GABRA3: variants seen among roughly 807,000 people sequenced by gnomAD.
GABRA3 encodes gamma-aminobutyric acid receptor subunit alpha-3.
Under a neutral mutation model 30.1 loss-of-function variants are expected in GABRA3, and 10 were observed. The observed-to-expected ratio is 0.33, with a 90% CI of 0.20 to 0.56. The LOEUF is 0.56. Ranked by LOEUF, GABRA3 falls within the 20% of genes least tolerant of loss-of-function variation. The probability of loss-of-function intolerance (pLI) is 0.89; values close to 1 mark genes in which losing one functional copy is unlikely to be tolerated. For missense variants in GABRA3, 233 were observed against 392.0 expected (o/e 0.59, Z 3.42); for synonymous variants, 151 against 146.8 (o/e 1.03, Z -0.21).
At chrX:152,182,674 C>G (rs866166016) in intron 9 of GABRA3, among the ~76,000 whole-genome samples, 3 of 18,021 alleles carry the variant, frequency 1.7e-4, no homozygotes, top group African/African-American at 6.2e-4. Context: ...TATATATACA[C>G]TATATATACA....
chrX:152,228,592 C>T (rs1020378789), intron 5 of GABRA3, among the ~76,000 whole-genome samples: 4 of 111,606 alleles, frequency 3.6e-5, no homozygotes, highest in Admixed American at 2.9e-4. Flanking sequence ...TTATTAAACT[C>T]TCATGGAATC....
intron 4 of GABRA3, among the ~76,000 whole-genome samples, chrX:152,264,167 A>G (rs1569374094): frequency 9.0e-6 from 1 of 111,547 alleles, no homozygotes; most frequent in Non-Finnish European, 1.9e-5. Context: ...GTTACTAAGT[A>G]CACAGAAAAA....
At chrX:152,387,866 A>G (rs1214190905) in intron 1 of GABRA3, among the ~76,000 whole-genome samples, 1 of 111,421 alleles carries the variant, frequency 9.0e-6, no homozygotes, top group Non-Finnish European at 1.9e-5. Flanking sequence ...CTTCCTTGTA[A>G]ACAATCTTGC....
chrX:152,348,454 T>C (rs1357076076), intron 2 of GABRA3, among the ~76,000 whole-genome samples: 6 of 111,753 alleles, frequency 5.4e-5, no homozygotes, highest in African/African-American at 1.3e-4. Flanking sequence ...TAATTCATCA[T>C]TGAAAAATGA....
intron 3 of GABRA3, among the ~76,000 whole-genome samples, chrX:152,315,579 G>T (rs1333290684): frequency 2.7e-5 from 3 of 111,430 alleles, no homozygotes; most frequent in African/African-American, 9.8e-5. Context: ...TGCTTTCTCA[G>T]CTGGGAAGCT....
chrX:152,266,726 T>A (rs920908868), intron 4 of GABRA3, among the ~76,000 whole-genome samples: 2 of 110,833 alleles, frequency 1.8e-5, no homozygotes, highest in Non-Finnish European at 3.8e-5. Context: ...CCTCTTACCA[T>A]GAGTTATTTT....
chrX:152,343,223 C>T (rs1027949807), intron 3 of GABRA3, among the ~76,000 whole-genome samples: 3 of 111,491 alleles, frequency 2.7e-5, no homozygotes, highest in African/African-American at 9.8e-5. Context: ...CCTCCCTGCA[C>T]TGTAGCCTAA....
chrX:152,215,037 G>GATAT (rs145636654), intron 6 of GABRA3, among the ~76,000 whole-genome samples: 5 of 98,059 alleles, frequency 5.1e-5, no homozygotes, highest in East Asian at 6.1e-4. Context: ...TGTGTGTATG[G>GATAT]ATATATATAT....
chrX:152,349,414 C>T (rs980138649), intron 2 of GABRA3, among the ~76,000 whole-genome samples: 3 of 107,754 alleles, frequency 2.8e-5, no homozygotes, highest in Admixed American at 9.9e-5. Context: ...GCAAAATAAC[C>T]AGCTAACATC....
intron 6 of GABRA3, among the ~76,000 whole-genome samples, chrX:152,218,954 T>C (rs1488775570): frequency 9.0e-6 from 1 of 111,234 alleles, no homozygotes. Flanking sequence ...CACTAGAGGT[T>C]TTCTAAGATT....
chrX:152,235,315 C>T (rs1426613069), intron 5 of GABRA3, among the ~76,000 whole-genome samples: 1 of 111,389 alleles, frequency 9.0e-6, no homozygotes, highest in Admixed American at 9.6e-5. Flanking sequence ...GATTTTGTAT[C>T]CTGAAACGAC....
chrX:152,226,484 T>C (rs367661305), intron 5 of GABRA3, among the ~76,000 whole-genome samples: 1 of 111,716 alleles, frequency 9.0e-6, no homozygotes, highest in South Asian at 3.8e-4. Context: ...AAGGACTTCA[T>C]GTCTAAAACA....
chrX:152,323,230 C>T (rs1189537549), intron 3 of GABRA3, among the ~76,000 whole-genome samples: 1 of 111,596 alleles, frequency 9.0e-6, no homozygotes, highest in African/African-American at 3.3e-5. Flanking sequence ...AGTGGGATAT[C>T]ATTCAGTGTT....
chrX:152,209,926 C>G (rs954601913), intron 6 of GABRA3, among the ~76,000 whole-genome samples: 2 of 112,323 alleles, frequency 1.8e-5, no homozygotes, highest in African/African-American at 6.5e-5. Flanking sequence ...TATATAGTCT[C>G]AGTCATTTCT....
chrX:152,367,611 T>C (rs998458368), intron 1 of GABRA3, among the ~76,000 whole-genome samples: 21 of 111,618 alleles, frequency 1.9e-4, no homozygotes, highest in African/African-American at 6.8e-4. Flanking sequence ...AGATAACACA[T>C]ATCTTAAACT....
chrX:152,271,644 T>C (rs183601060), intron 4 of GABRA3, among the ~76,000 whole-genome samples: 2 of 112,458 alleles, frequency 1.8e-5, no homozygotes, highest in East Asian at 5.6e-4. Context: ...TGAATGCTAA[T>C]TGCCAAGACA....
At chrX:152,261,170 C>T (rs1470190678) in intron 4 of GABRA3, among the ~76,000 whole-genome samples, 2 of 110,833 alleles carry the variant, frequency 1.8e-5, no homozygotes, top group African/African-American at 6.6e-5. Flanking sequence ...AATTTAATCA[C>T]CCCCACCAGG....
chrX:152,445,776 T>G (rs1479058637), intron 1 of GABRA3, among the ~76,000 whole-genome samples: 1 of 111,621 alleles, frequency 9.0e-6, no homozygotes, highest in African/African-American at 3.3e-5. Context: ...CCCCCCACCG[T>G]ATTTTACAGT....
At chrX:152,315,298 T>A (rs1049920775) in intron 3 of GABRA3, among the ~76,000 whole-genome samples, 1 of 110,917 alleles carries the variant, frequency 9.0e-6, no homozygotes, top group African/African-American at 3.3e-5. Flanking sequence ...CTGAGACAAT[T>A]TAGAGAGCCA....
Sources: allele counts gnomAD v4.1 joint callset (sites outside exome capture counted in the v4.1 genomes callset), GRCh38; gene constraint gnomAD v4.1.1; transcripts MANE v1.5; gene names NCBI Gene and HGNC (gene_info 2026-07-23, HGNC 2026-07-21).